Variants in MPPED1 observed in about 807,000 individuals in gnomAD.
MPPED1 encodes the protein metallophosphoesterase domain-containing protein 1.
In MPPED1, 16 loss-of-function variants were observed where a neutral mutation model predicts 36.2. That is an observed-to-expected ratio of 0.44 (90% confidence interval 0.30 to 0.67). The LOEUF (loss-of-function observed/expected upper bound fraction) is 0.67. MPPED1 is among the 30% of genes least tolerant of loss of function. The pLI is 0.10. For missense variants in MPPED1, 307 were observed against 453.4 expected, an observed-to-expected ratio of 0.68 and a Z score of 2.93; for synonymous variants, 199 against 191.3, an observed-to-expected ratio of 1.04 and a Z score of -0.33.
At chr22:43,501,537 G>T (rs1041890533) in intron 5 of MPPED1, among the ~76,000 whole-genome samples, 1 of 152,186 alleles carries the variant, frequency 6.6e-6, no homozygotes, top group Non-Finnish European at 1.5e-5. Context: ...AGCTGGTGCT[G>T]CCCTTGCATC....
At chr22:43,427,545 A>C (rs1327326759) in intron 2 of MPPED1, among the ~76,000 whole-genome samples, 2 of 151,980 alleles carry the variant, frequency 1.3e-5, no homozygotes, top group Non-Finnish European at 2.9e-5. Context: ...GTCCTGAGGG[A>C]GGGTGGTGAA....
chr22:43,499,467 A>AGGT (rs1258833699), intron 5 of MPPED1, among the ~76,000 whole-genome samples: 1 of 84,346 alleles, frequency 1.2e-5, no homozygotes, highest in South Asian at 4.9e-4. Flanking sequence ...ATGGTGATGG[A>AGGT]GGTGGTGGTG....
chr22:43,492,846 C>T (rs780736604), intron 4 of MPPED1, among the ~76,000 whole-genome samples: 16 of 152,170 alleles, frequency 1.1e-4, no homozygotes, highest in Non-Finnish European at 2.1e-4. Flanking sequence ...GCTTTTAGTA[C>T]GTTCCCCTGG....
chr22:43,499,463 A>G (rs1397083359), intron 5 of MPPED1, among the ~76,000 whole-genome samples: 1 of 93,680 alleles, frequency 1.1e-5, no homozygotes, highest in Non-Finnish European at 2.1e-5. Context: ...AGTGATGGTG[A>G]TGGAGGTGGT....
At chr22:43,451,746 G>C (rs1033798584) in intron 3 of MPPED1, among the ~76,000 whole-genome samples, 5 of 152,228 alleles carry the variant, frequency 3.3e-5, no homozygotes, top group African/African-American at 7.2e-5. Context: ...TTTCCCTCCT[G>C]TGTCCCGGGT....
At chr22:43,424,637 G>A (rs944333271) in intron 1 of MPPED1, among the ~76,000 whole-genome samples, 2 of 151,608 alleles carry the variant, frequency 1.3e-5, no homozygotes, top group African/African-American at 2.4e-5. Context: ...ATTTAAACAC[G>A]TTGAGCCATG....
chr22:43,426,730 G>A (rs1929489725), intron 2 of MPPED1, among the ~76,000 whole-genome samples: 1 of 152,234 alleles, frequency 6.6e-6, no homozygotes, highest in Non-Finnish European at 1.5e-5. Flanking sequence ...GGCGGGGATC[G>A]CCCTCTTCCA....
chr22:43,478,756 C>A (rs952334926), intron 4 of MPPED1, among the ~76,000 whole-genome samples: 4 of 152,244 alleles, frequency 2.6e-5, no homozygotes, highest in African/African-American at 7.2e-5. Context: ...CCCGGCCATA[C>A]CCCCGTCCAC....
intron 4 of MPPED1, among the ~76,000 whole-genome samples, chr22:43,481,297 T>C (rs111963432): frequency 2.8e-4 from 43 of 152,328 alleles, no homozygotes; most frequent in African/African-American, 9.9e-4. Flanking sequence ...TCTTTACTCC[T>C]ACCACCCTTA....
chr22:43,424,273 C>T (rs1428567407), intron 1 of MPPED1, among the ~76,000 whole-genome samples: 1 of 152,162 alleles, frequency 6.6e-6, no homozygotes. Context: ...CCCCTACCTG[C>T]ACTACCATCC....
intron 4 of MPPED1, among the ~76,000 whole-genome samples, chr22:43,477,402 G>T (rs62231998): frequency 6.6e-6 from 1 of 152,340 alleles, no homozygotes; most frequent in East Asian, 1.9e-4. Flanking sequence ...TCCAACCGGG[G>T]TGAGCAGATT....
At chr22:43,452,300 C>A (rs1423323913) in intron 3 of MPPED1, among the ~76,000 whole-genome samples, 2 of 152,140 alleles carry the variant, frequency 1.3e-5, no homozygotes, top group Non-Finnish European at 2.9e-5. Flanking sequence ...AGGTGTGAGC[C>A]AATGCGCCCA....
intron 2 of MPPED1, among the ~76,000 whole-genome samples, chr22:43,431,769 CAT>C (rs2146827988): frequency 6.6e-6 from 1 of 152,334 alleles, no homozygotes; most frequent in South Asian, 2.1e-4. Flanking sequence ...GCGTGGGGAT[CAT>C]TGAAATCATT....
At chr22:43,434,129 T>C (rs1303369596) in intron 2 of MPPED1, among the ~76,000 whole-genome samples, 2 of 152,224 alleles carry the variant, frequency 1.3e-5, no homozygotes, top group African/African-American at 4.8e-5. Flanking sequence ...AGGGCCACGA[T>C]AGGCTCCTGA....
chr22:43,484,801 G>C (rs545542341), intron 4 of MPPED1, among the ~76,000 whole-genome samples: 8 of 152,248 alleles, frequency 5.3e-5, no homozygotes, highest in African/African-American at 1.9e-4. Context: ...TGCTTGAGGG[G>C]CTTGGGAGCC....
chr22:43,439,114 G>A lies in MPPED1; in HGVS notation c.406+3899G>A, dbSNP rs571301256. ...GGGCTCTGCGTGGTTAAATTCCTGC[G>A]GACTCTAACTTGCTGTGAGGTGCGT... On this transcript the variant is annotated intron_variant, in intron 3 of 6. Coordinates refer to ENST00000443721, the MANE Select transcript of MPPED1 (RefSeq NM_001044370.2). Among the ~76,000 whole-genome samples, 5 of 152,284 alleles carry A rather than the reference G, an allele frequency of 3.3e-5. No homozygotes were observed. In the South Asian group the frequency reaches 6.2e-4, roughly 19 times the overall value.
intron 2 of MPPED1, among the ~76,000 whole-genome samples, chr22:43,434,674 G>A (rs947755977): frequency 1.3e-5 from 2 of 152,236 alleles, no homozygotes; most frequent in Non-Finnish European, 2.9e-5. Flanking sequence ...CCACTCTGGC[G>A]GTGATAACGA....
At chr22:43,420,445 C>T (rs1240711732) in intron 1 of MPPED1, among the ~76,000 whole-genome samples, 1 of 151,612 alleles carries the variant, frequency 6.6e-6, no homozygotes, top group Non-Finnish European at 1.5e-5. Flanking sequence ...CACTCTGTTA[C>T]CCAGGCTGGA....
intron 5 of MPPED1, among the ~76,000 whole-genome samples, chr22:43,500,050 GGGTGGTGGTGGTGATGGTGATGGA>G (rs1932617991): frequency 1.3e-5 from 1 of 74,364 alleles, no homozygotes; most frequent in Non-Finnish European, 2.3e-5. Context: ...GTGGTGATGG[GGGTGGTGGTGGTGATGGTGATGGA>G]GGTGGTGGTG....
Sources: allele counts gnomAD v4.1 joint callset (sites outside exome capture counted in the v4.1 genomes callset), GRCh38; gene constraint gnomAD v4.1.1; transcripts MANE v1.5; gene names NCBI Gene and HGNC (gene_info 2026-07-23, HGNC 2026-07-21).